The following CDH13 variants were observed in gnomAD, a reference collection of about 807,000 sequenced individuals.
The protein encoded by CDH13 is cadherin 13.
A neutral mutation model predicts 63.8 loss-of-function variants in CDH13; 24 were observed. The ratio of observed to expected loss-of-function variants is 0.38; its 90% CI spans 0.27 to 0.53. CDH13 has a LOEUF of 0.53. Ranked by LOEUF, CDH13 falls within the 20% of genes least tolerant of loss-of-function variation. The pLI, the probability that CDH13 is intolerant of heterozygous loss-of-function variation, is 0.85. For missense variants in CDH13, 1,049 were observed against 903.1 expected (o/e 1.16, Z -2.07); for synonymous variants, 503 against 355.3 (o/e 1.42, Z -4.67).
At chr16:83,782,661 A>G (rs970308451) in intron 12 of CDH13, among the ~76,000 whole-genome samples, 23 of 150,750 alleles carry the variant, frequency 1.5e-4, no homozygotes, top group African/African-American at 5.6e-4. Context: ...ATTTGAACCC[A>G]GGATGCGGAG....
At chr16:83,771,812 C>T (rs114842999) in intron 11 of CDH13, among the ~76,000 whole-genome samples, 1 of 152,302 alleles carries the variant, frequency 6.6e-6, no homozygotes, top group Admixed American at 6.5e-5. Context: ...TCTGTGCCTA[C>T]AAGTCCTCAT....
At chr16:83,374,606 A>C (rs116309310) in intron 6 of CDH13, among the ~76,000 whole-genome samples, 2,396 of 152,350 alleles carry the variant, frequency 0.016, 70 homozygotes, top group African/African-American at 0.054. Flanking sequence ...ACTTCAGGAT[A>C]TGAGAAGATG....
chr16:83,195,912 T>G (rs2038865464), intron 4 of CDH13, among the ~76,000 whole-genome samples: 1 of 152,180 alleles, frequency 6.6e-6, no homozygotes, highest in African/African-American at 2.4e-5. Context: ...ATTGGACATC[T>G]GAAGGCAAGA....
intron 3 of CDH13, among the ~76,000 whole-genome samples, chr16:83,071,670 C>G (rs11864522): frequency 0.071 from 10,736 of 152,164 alleles, 433 homozygotes; most frequent in African/African-American, 0.094. Flanking sequence ...ATAGTTGTTT[C>G]AAGTCATAAA....
intron 2 of CDH13, among the ~76,000 whole-genome samples, chr16:83,008,376 G>C (rs1370562853): frequency 6.6e-6 from 1 of 152,158 alleles, no homozygotes; most frequent in Admixed American, 6.5e-5. Flanking sequence ...GAAATGTGGG[G>C]GAATTGCACT....
chr16:82,691,135 C>T (rs139318366), intron 1 of CDH13, among the ~76,000 whole-genome samples: 1 of 152,330 alleles, frequency 6.6e-6, no homozygotes, highest in East Asian at 1.9e-4. Flanking sequence ...ATATAACAAT[C>T]AGCCAAATGA....
intron 7 of CDH13, among the ~76,000 whole-genome samples, chr16:83,581,262 C>G (rs571164676): frequency 5.9e-5 from 9 of 152,300 alleles, no homozygotes; most frequent in South Asian, 2.1e-4. Flanking sequence ...TGAGTACAGC[C>G]TCAGTATTTA....
At chr16:83,384,089 C>T (rs759358672) in intron 6 of CDH13, among the ~76,000 whole-genome samples, 1 of 152,132 alleles carries the variant, frequency 6.6e-6, no homozygotes, top group Non-Finnish European at 1.5e-5. Flanking sequence ...CTGCATTGTT[C>T]ATACATTAAA....
At chr16:83,646,417 T>C (rs1471391091) in intron 8 of CDH13, among the ~76,000 whole-genome samples, 3 of 152,262 alleles carry the variant, frequency 2.0e-5, no homozygotes, top group East Asian at 3.9e-4. Flanking sequence ...AATAGTTGTG[T>C]TGGCCGGACC....
At chr16:82,754,794 C>T (rs1484016516) in intron 1 of CDH13, among the ~76,000 whole-genome samples, 1 of 152,154 alleles carries the variant, frequency 6.6e-6, no homozygotes, top group Non-Finnish European at 1.5e-5. Flanking sequence ...ATTTCATTTG[C>T]GTCCTTTTAT....
chr16:83,470,680 A>T (rs1373360003), intron 6 of CDH13, among the ~76,000 whole-genome samples: 1 of 152,146 alleles, frequency 6.6e-6, no homozygotes, highest in African/African-American at 2.4e-5. Context: ...AGCAGCCACC[A>T]CAACCACAGG....
chr16:82,985,543 A>G (rs891000537), intron 2 of CDH13, among the ~76,000 whole-genome samples: 5 of 152,156 alleles, frequency 3.3e-5, no homozygotes, highest in African/African-American at 1.2e-4. Context: ...GGCCCTACAG[A>G]GATAGGTGCG....
intron 1 of CDH13, among the ~76,000 whole-genome samples, chr16:82,776,553 G>C (rs915928356): frequency 6.6e-6 from 1 of 152,196 alleles, no homozygotes; most frequent in African/African-American, 2.4e-5. Context: ...CTGCAAATAT[G>C]AACCTTCTTT....
At chr16:83,016,986 G>A (rs552383566) in intron 2 of CDH13, among the ~76,000 whole-genome samples, 2 of 152,286 alleles carry the variant, frequency 1.3e-5, no homozygotes, top group East Asian at 3.9e-4. Flanking sequence ...CTTCGTAGTG[G>A]AATAGCAGGT....
At chr16:82,672,227 C>T (rs755936726) in intron 1 of CDH13, among the ~76,000 whole-genome samples, 1 of 152,208 alleles carries the variant, frequency 6.6e-6, no homozygotes, top group Non-Finnish European at 1.5e-5. Context: ...ATAACAATAA[C>T]TATCTCATGG....
intron 5 of CDH13, among the ~76,000 whole-genome samples, chr16:83,275,652 A>T (rs138840344): frequency 2.2e-5 from 2 of 92,570 alleles, no homozygotes; most frequent in African/African-American, 8.6e-5. Context: ...GAGCCTTATG[A>T]CTCTGGCTTG....
At chr16:83,681,862 A>G (rs1915435627) in intron 10 of CDH13, among the ~76,000 whole-genome samples, 1 of 151,162 alleles carries the variant, frequency 6.6e-6, no homozygotes, top group African/African-American at 2.4e-5. Flanking sequence ...TCTCAGACAG[A>G]TGCAACGGCC....
intron 4 of CDH13, among the ~76,000 whole-genome samples, chr16:83,211,039 T>C (rs145815473): frequency 0.018 from 2,750 of 150,582 alleles, 82 homozygotes; most frequent in African/African-American, 0.062. Flanking sequence ...TCCCAGCTAC[T>C]TGGGAGGCTG....
At chr16:83,469,190 C>T (rs79031256) in intron 6 of CDH13, among the ~76,000 whole-genome samples, 3,135 of 152,246 alleles carry the variant, frequency 0.021, 56 homozygotes, top group Non-Finnish European at 0.032. Flanking sequence ...GGCTTTTCAA[C>T]TCAGTGTTTT....
Sources: allele counts gnomAD v4.1 joint callset (sites outside exome capture counted in the v4.1 genomes callset), GRCh38; gene constraint gnomAD v4.1.1; transcripts MANE v1.5; gene names NCBI Gene and HGNC (gene_info 2026-07-23, HGNC 2026-07-21).